CGNL1: variants seen among roughly 807,000 people sequenced by gnomAD.
The protein encoded by CGNL1 is cingulin like 1, also known as cingulin-like protein 1.
In CGNL1, 132 loss-of-function variants were observed where a neutral mutation model predicts 141.2. That is an observed-to-expected ratio of 0.93 (90% CI 0.81 to 1.08). The LOEUF (loss-of-function observed/expected upper bound fraction) is 1.08. Ranked by LOEUF, CGNL1 falls within the 50% of genes least tolerant of loss-of-function variation. CGNL1 has a pLI of 0.00. For synonymous variants in CGNL1, 690 were observed against 622.1 expected, an observed-to-expected ratio of 1.11 and a Z score of -1.63; for missense variants, 1,870 against 1,588.6, an observed-to-expected ratio of 1.18 and a Z score of -3.01.
Position 57,438,134 on chromosome 15 carries a change from G to A in CGNL1, c.135G>A (p.Arg45=). ...CAGGCTCCTACGGTGTCAGTATTCG[G>A]GTCCAGGGAATTGATGGTCACCCCT... ...SKAGSYGVSI[R]VQGIDGHPYI... Residue 45 remains arginine, a synonymous_variant, in exon 2 of 19, where the codon CGG becomes CGA. Coordinates refer to ENST00000281282, the MANE Select transcript of CGNL1 (RefSeq NM_032866.5). 2 of 1,614,112 alleles carry A rather than the reference G, an allele frequency of 1.2e-6. No individual in the cohort carries two copies. The highest frequency in any genetic ancestry group is 1.7e-6 in the Non-Finnish European group (2 of 1,180,024).
chr15:57,545,839 C>T (rs1177945139), intron 17 of CGNL1, 139 bp downstream of exon 17: 31 of 782,976 alleles, frequency 4.0e-5, no homozygotes, highest in Non-Finnish European at 6.4e-5. Flanking sequence ...CCAGTCACAT[C>T]ATCAAATGGG....
At chr15:57,379,296 A>C (rs1305650807) in intron 1 of CGNL1, among the ~76,000 whole-genome samples, 1 of 152,190 alleles carries the variant, frequency 6.6e-6, no homozygotes, top group Non-Finnish European at 1.5e-5. Flanking sequence ...CATTTATTGC[A>C]ATTTCTCACT....
At position 57,546,259 on chromosome 15, in the gene CGNL1, A is replaced by T. The variant is rs538002090; in HGVS notation, c.3773+20A>T. 6.4e-7 allele frequency: 1 copy of T among 1,553,666 alleles called. No individual in the cohort carries two copies. The highest frequency in any genetic ancestry group is 1.4e-5 in the African/African-American group (1 of 73,356). ...CTTAAGGTGGGCAGGTGTGGAGGCC[A>T]CAGAGGGCCGGGTAATCTCCCCACA... On this transcript the variant is annotated intron_variant, in intron 18 of 18. Transcript: ENST00000281282.
intron 1 of CGNL1, among the ~76,000 whole-genome samples, chr15:57,387,401 CCTT>C (rs1164353290): frequency 6.6e-6 from 1 of 152,108 alleles, no homozygotes; most frequent in African/African-American, 2.4e-5. Flanking sequence ...TGATTTTGAT[CCTT>C]CTTGGCCAGC....
At chr15:57,534,702 A>G (rs2032154775) in intron 14 of CGNL1, among the ~76,000 whole-genome samples, 1 of 152,202 alleles carries the variant, frequency 6.6e-6, no homozygotes, top group South Asian at 2.1e-4. Context: ...TCAAATGCTG[A>G]CCTTATGACA....
In CGNL1 at chr15:57,546,262, G is replaced by C. The variant is rs201098091; in HGVS notation, c.3773+23G>C. The C allele has an allele frequency of 2.6e-6, 4 of 1,550,822 alleles. No individual in the cohort carries two copies. In the East Asian group the frequency reaches 7.3e-5, roughly 28 times the overall value. The stretch of plus-strand genomic sequence containing the variant: ...AAGGTGGGCAGGTGTGGAGGCCACA[G>C]AGGGCCGGGTAATCTCCCCACAGTT... On this transcript the variant is annotated intron_variant, in intron 18 of 18. Transcript: ENST00000281282.
At chr15:57,421,395 T>G (rs1012061820) in intron 1 of CGNL1, among the ~76,000 whole-genome samples, 15 of 152,068 alleles carry the variant, frequency 9.9e-5, no homozygotes, top group African/African-American at 3.6e-4. Flanking sequence ...ATTTCCTAAT[T>G]CGTTTTCTAC....
intron 8 of CGNL1, among the ~76,000 whole-genome samples, chr15:57,468,893 C>T (rs1567137437): frequency 6.6e-6 from 1 of 152,174 alleles, no homozygotes; most frequent in African/African-American, 2.4e-5. Context: ...GCTTTTGCGC[C>T]TTCCTCATTC....
intron 8 of CGNL1, among the ~76,000 whole-genome samples, chr15:57,509,514 A>C (rs905121735): frequency 6.6e-6 from 1 of 152,180 alleles, no homozygotes; most frequent in Non-Finnish European, 1.5e-5. Context: ...GTGTTCCTAC[A>C]AGGAGCGCTC....
chr15:57,528,657 C>A lies in CGNL1; in HGVS notation c.3043C>A (p.Arg1015Ser), dbSNP rs138103109. 90 of 1,613,692 alleles carry A rather than the reference C, an allele frequency of 5.6e-5. No individual in the cohort carries two copies. Among genetic ancestry groups the A allele is most frequent in the Non-Finnish European group, 7.5e-5 (89 of 1,179,868 alleles). Reference sequence around the variant, plus strand: ...TCCCAGCTGTCTCTCCTCCTAGATGCGTCTGATGGAGGAAGAGTTACGGGA... The same window carrying A: ...TCCCAGCTGTCTCTCCTCCTAGATGAGTCTGATGGAGGAAGAGTTACGGGA... ...LTAMKMQDEM[R>S]LMEEELRDYQ... Residue 1015 changes from arginine to serine, a missense_variant, in exon 13 of 19, where the codon CGT becomes AGT. Physicochemically the swap from Arg to Ser is moderately radical, Grantham distance 110. Transcript: ENST00000281282.
chr15:57,488,281 ATATATT>A (rs1256767294), intron 8 of CGNL1, among the ~76,000 whole-genome samples: 3 of 152,012 alleles, frequency 2.0e-5, no homozygotes, highest in Non-Finnish European at 4.4e-5. Context: ...ATGGTTCTTT[ATATATT>A]CTGGATATCA....
chr15:57,440,498 A>T (rs781124470), intron 3 of CGNL1, 27 bp downstream of exon 3: 4 of 1,493,784 alleles, frequency 2.7e-6, no homozygotes, highest in Non-Finnish European at 3.7e-6. Context: ...CTGAAAGAGC[A>T]AAGTATTGTT....
At chr15:57,417,528 C>G (rs2062862223) in intron 1 of CGNL1, among the ~76,000 whole-genome samples, 1 of 152,132 alleles carries the variant, frequency 6.6e-6, no homozygotes, top group South Asian at 2.1e-4. Context: ...GCCACTGCAC[C>G]CAGCCTATTG....
Position 57,547,785 on chromosome 15 carries a change from G to A in CGNL1, c.*295G>A, listed in dbSNP as rs745875104. On this transcript the variant is annotated 3_prime_UTR_variant, in exon 19 of 19. Transcript: ENST00000281282. The stretch of plus-strand genomic sequence containing the variant: ...GGCCCCTGTTCCACAGCCACTATTT[G>A]CATTGCTGTCCCTGCCCCCTCATCA... 2.6e-5 allele frequency: 9 copies of A among 349,016 alleles called. No homozygotes were observed. The highest frequency in any genetic ancestry group is 4.2e-5 in the Non-Finnish European group (8 of 192,602). 21.6% of individuals were successfully genotyped at this position (349,016 alleles called of 1,614,324 possible). A position where few individuals can be genotyped will look rare whatever the true frequency, so the allele number is the denominator to read the frequency against.
chr15:57,462,256 A>G (rs2063456936), intron 8 of CGNL1, among the ~76,000 whole-genome samples: 1 of 152,170 alleles, frequency 6.6e-6, no homozygotes, highest in African/African-American at 2.4e-5. Context: ...TAATGGGCAG[A>G]AGTGCAGACG....
At chr15:57,425,144 G>T (rs2062958563) in intron 1 of CGNL1, among the ~76,000 whole-genome samples, 1 of 152,140 alleles carries the variant, frequency 6.6e-6, no homozygotes, top group Non-Finnish European at 1.5e-5. Flanking sequence ...TGTGGCTGAG[G>T]ACAGGGAAAG....
Position 57,442,369 on chromosome 15 carries a change from T to C in CGNL1, c.1698-4T>C. 6.3e-7 allele frequency: 1 copy of C among 1,598,662 alleles called. No individual in the cohort carries two copies. The highest frequency in any genetic ancestry group is 1.7e-5 in the Admixed American group (1 of 59,902). On this transcript the variant is annotated splice_region_variant and splice_polypyrimidine_tract_variant and intron_variant, in intron 3 of 18. Transcript: ENST00000281282. ...CATTGTTTTCTCTGCTGTCCCTTTTTCAGAAGCACTGATAATGACGATGCT... is the reference window on the plus strand; with the variant it reads ...CATTGTTTTCTCTGCTGTCCCTTTTCCAGAAGCACTGATAATGACGATGCT...
chr15:57,379,247 C>A (rs531447131), intron 1 of CGNL1, among the ~76,000 whole-genome samples: 1 of 152,118 alleles, frequency 6.6e-6, no homozygotes, highest in African/African-American at 2.4e-5. Flanking sequence ...CACTCTACCC[C>A]CCCAAAAAGA....
At chr15:57,489,824 G>A (rs540635202) in intron 8 of CGNL1, among the ~76,000 whole-genome samples, 1 of 152,342 alleles carries the variant, frequency 6.6e-6, no homozygotes, top group East Asian at 1.9e-4. Flanking sequence ...GACCAGAAGT[G>A]ACTGAGATAC....
Sources: allele counts gnomAD v4.1 joint callset (sites outside exome capture counted in the v4.1 genomes callset), GRCh38; gene constraint gnomAD v4.1.1; transcripts MANE v1.5; gene names NCBI Gene and HGNC (gene_info 2026-07-23, HGNC 2026-07-21).